Variants in CLCN1 observed in about 807,000 individuals in gnomAD.
CLCN1 encodes chloride voltage-gated channel 1.
A neutral mutation model predicts 114.5 loss-of-function variants in CLCN1; 100 were observed. The observed-to-expected ratio is 0.87, with a 90% CI of 0.74 to 1.03. The LOEUF (loss-of-function observed/expected upper bound fraction) is 1.03. Among genes scored for constraint, CLCN1 ranks in the 50% least tolerant of loss-of-function variants. CLCN1 has a pLI of 0.00. For synonymous variants in CLCN1, 485 were observed against 487.1 expected, an observed-to-expected ratio of 1.00 and a Z score of 0.06; for missense variants, 1,188 against 1,250.0, an observed-to-expected ratio of 0.95 and a Z score of 0.75.
chr7:143,321,770 C>A lies in CLCN1; in HGVS notation c.618C>A (p.Tyr206Ter), dbSNP rs1563074540. The A allele has an allele frequency of 6.2e-7, 1 of 1,614,222 alleles. No individual in the cohort carries two copies. Among genetic ancestry groups the A allele is most frequent in the South Asian group, 1.1e-5 (1 of 91,090 alleles). The change falls in exon 5 of 23, where the codon TAC becomes TAA. Residue 206 changes from tyrosine to a stop codon, truncating the protein, a stop_gained. Coordinates refer to ENST00000343257, the MANE Select transcript of CLCN1 (RefSeq NM_000083.3). LOFTEE classifies it high-confidence loss of function. The surrounding 1 kb of genome is among the most constrained non-coding windows in gnomAD (Gnocchi z 4.2). ...TTCGTGGGGTTGTCCTGAAGGAATACCTCACAATGAAAGCCTTTGTGGCCA... is the reference window on the plus strand; with the variant it reads ...TTCGTGGGGTTGTCCTGAAGGAATAACTCACAATGAAAGCCTTTGTGGCCA... ...TILRGVVLKE[Y>*]LTMKAFVAKV...
chr7:143,344,753 T>TG (rs886931724), intron 16 of CLCN1, among the ~76,000 whole-genome samples: 1 of 146,204 alleles, frequency 6.8e-6, no homozygotes, highest in Non-Finnish European at 1.5e-5. Context: ...CTAGCAGGGT[T>TG]TTTTTTTTTT....
Position 143,336,658 on chromosome 7 carries a change from G to GGAAA in CLCN1, c.1402-2580_1402-2577dup, listed in dbSNP as rs199514674. ...AAGAAAAAAAAAGGAAGGAAGGAAG[G>GGAAA]GAAAGAAAGAAAGAAAGAGAAAGAA... is the stretch of plus-strand genomic sequence containing the variant. On this transcript the variant is annotated intron_variant, in intron 12 of 22. Coordinates refer to ENST00000343257, the MANE Select transcript of CLCN1 (RefSeq NM_000083.3). 2.0e-3 allele frequency among the ~76,000 whole-genome samples: 75 copies of GGAAA among 37,254 alleles called. 3 individuals are homozygous for GGAAA. In the South Asian group the frequency reaches 0.057, roughly 28 times the overall value. 24.4% of individuals were successfully genotyped at this position (37,254 alleles called of 152,430 possible).
In CLCN1 at chr7:143,346,284, C is replaced by G. The variant is rs56680997; in HGVS notation, c.2284+33C>G. 563,809 of 1,401,938 alleles carry G rather than the reference C, an allele frequency of 0.4. 114,937 individuals are homozygous for G. The highest frequency in any genetic ancestry group is 0.44 in the Middle Eastern group (2,481 of 5,688). The allele number at this position is 1,401,938 out of a possible 1,614,324, so 86.8% of individuals were successfully genotyped here. Reference sequence around the variant, plus strand: ...TCTTCCCTCATGCACCCCAACTCACCCCTTGTGGGTTCTCTCTGGTCACTA... The same window carrying G: ...TCTTCCCTCATGCACCCCAACTCACGCCTTGTGGGTTCTCTCTGGTCACTA... On this transcript the variant is annotated intron_variant, in intron 18 of 22. Transcript: ENST00000343257.
intron 14 of CLCN1, among the ~76,000 whole-genome samples, chr7:143,340,167 A>T (rs1406165190): frequency 1.3e-5 from 2 of 152,156 alleles, no homozygotes; most frequent in Non-Finnish European, 2.9e-5. Context: ...TGGGATTATT[A>T]TGCTTCCTCC....
At position 143,321,924 on chromosome 7, in the gene CLCN1, T is replaced by C; in HGVS notation, c.696+76T>C. 1 of 1,533,232 alleles carries C rather than the reference T, an allele frequency of 6.5e-7. No individual in the cohort carries two copies. Among genetic ancestry groups the C allele is most frequent in the Non-Finnish European group, 8.9e-7 (1 of 1,126,072 alleles). The allele number at this position is 1,533,232 out of a possible 1,614,324, so 95.0% of individuals were successfully genotyped here. On this transcript the variant is annotated intron_variant, in intron 5 of 22. Transcript: ENST00000343257. The surrounding 1 kb of genome is among the most constrained non-coding windows in gnomAD (Gnocchi z 4.2). ...GGGTGGCACCAACTCTAGAGGGAGCTCTGGGAGTGGAAGTGGATCAGGGGA... is the reference window on the plus strand; with the variant it reads ...GGGTGGCACCAACTCTAGAGGGAGCCCTGGGAGTGGAAGTGGATCAGGGGA...
intron 10 of CLCN1, among the ~76,000 whole-genome samples, chr7:143,332,165 T>C (rs1802741756): frequency 6.6e-6 from 1 of 152,220 alleles, no homozygotes; most frequent in Non-Finnish European, 1.5e-5. Context: ...GGTTTCACCA[T>C]GTTGGCCAGG....
Position 143,339,885 on chromosome 7 carries a change from G to A in CLCN1, c.1582+264G>A, listed in dbSNP as rs767716228. On this transcript the variant is annotated intron_variant, in intron 14 of 22. Coordinates refer to ENST00000343257, the MANE Select transcript of CLCN1 (RefSeq NM_000083.3). This position sits in a 1 kb window ranked among gnomAD's most constrained non-coding sequence, Gnocchi z 4.1. Reference sequence around the variant, plus strand: ...TAAGATTCTAGGATTGTGTCTGGATGTTTGATAAGGGTTCTGTCTTTCCTT... The same window carrying A: ...TAAGATTCTAGGATTGTGTCTGGATATTTGATAAGGGTTCTGTCTTTCCTT... 5.9e-5 allele frequency among the ~76,000 whole-genome samples: 9 copies of A among 152,206 alleles called. No homozygotes were observed. The highest frequency in any genetic ancestry group is 8.8e-5 in the Non-Finnish European group (6 of 68,032).
rs1465563125 is a variant in CLCN1 at position 143,319,749 on chromosome 7, G to C, written c.181-6G>C. 6.2e-7 allele frequency: 1 copy of C among 1,613,852 alleles called. No homozygotes were observed. ...GGCAGACACTGATCATTCTCTCTCT[G>C]TCCAGATTTATGGCCATCACAAAGA... On this transcript the variant is annotated splice_polypyrimidine_tract_variant and splice_region_variant and intron_variant, in intron 1 of 22. Transcript: ENST00000343257.
chr7:143,332,818 G>A lies in CLCN1; in HGVS notation c.1346G>A (p.Trp449Ter). 1 of 1,614,092 alleles carries A rather than the reference G, an allele frequency of 6.2e-7. No homozygotes were observed. Among genetic ancestry groups the A allele is most frequent in the Non-Finnish European group, 8.5e-7 (1 of 1,180,026 alleles). ...DPESLGQSAV[W>*]IHPRVNVVII... The stretch of plus-strand genomic sequence containing the variant: ...GAGAGCCTGGGCCAGTCAGCTGTGT[G>A]GATTCACCCCCGGGTCAACGTTGTC... Residue 449 changes from tryptophan (W) to a stop codon, truncating the protein, a stop_gained, in exon 12 of 23, where the codon TGG becomes TAG. Coordinates refer to ENST00000343257, the MANE Select transcript of CLCN1 (RefSeq NM_000083.3). LOFTEE classifies it high-confidence loss of function.
chr7:143,319,966 T>G, intron 2 of CLCN1, 91 bp downstream of exon 2: 1 of 1,338,652 alleles, frequency 7.5e-7, no homozygotes, highest in Non-Finnish European at 1.1e-6. Flanking sequence ...ACGTACGTAC[T>G]CCCTGCCCTG....
At chr7:143,347,620 CAAAAAAAAAA>C (rs57147641) in intron 20 of CLCN1, among the ~76,000 whole-genome samples, 2 of 94,978 alleles carry the variant, frequency 2.1e-5, no homozygotes, top group Non-Finnish European at 4.1e-5. Context: ...GACTTTGCCT[CAAAAAAAAAA>C]AAAAAAAAAA....
In CLCN1 at chr7:143,327,802, C is replaced by T. The variant is rs139194112; in HGVS notation, c.854-2970C>T. 7.6e-4 allele frequency among the ~76,000 whole-genome samples: 116 copies of T among 152,192 alleles called. 1 individual carries two copies. Among genetic ancestry groups the T allele is most frequent in the African/African-American group, 2.6e-3 (106 of 41,526 alleles). On this transcript the variant is annotated intron_variant, in intron 7 of 22. Transcript: ENST00000343257. ...CCCAGCAGCTGGGACTACATGCGCACGCCACTATGCCTGGCTAATTTTTGT... is the reference window on the plus strand; with the variant it reads ...CCCAGCAGCTGGGACTACATGCGCATGCCACTATGCCTGGCTAATTTTTGT...
chr7:143,328,333 A>G (rs1051829971), intron 7 of CLCN1, among the ~76,000 whole-genome samples: 4 of 152,188 alleles, frequency 2.6e-5, no homozygotes, highest in African/African-American at 9.6e-5. Context: ...GCAGAGGGAC[A>G]GGAGCAGCAG....
In CLCN1 at chr7:143,342,121, A is replaced by G. The variant is rs200536855; in HGVS notation, c.1775A>G (p.Asp592Gly). 1.1e-5 allele frequency: 17 copies of G among 1,614,176 alleles called. 1 individual carries two copies. The Admixed American group carries it at 2.7e-4, about 25-fold the overall frequency. Reference protein sequence around the residue: ...IQVKKLPYLPDLGWNQLSKYT... With the variant: ...IQVKKLPYLPGLGWNQLSKYT... ...GTCAAGAAGCTACCCTACTTGCCTG[A>G]CCTTGGCTGGAACCAGCTCAGGTCA... The change falls in exon 15 of 23, where the codon GAC (aspartate) becomes GGC (glycine). Residue 592 changes from aspartate (D) to glycine (G), a missense_variant. Asp to Gly is a moderately conservative substitution (Grantham distance 94). Coordinates refer to ENST00000343257, the MANE Select transcript of CLCN1 (RefSeq NM_000083.3).
chr7:143,333,432 T>C (rs1802784516), intron 12 of CLCN1, among the ~76,000 whole-genome samples: 1 of 152,228 alleles, frequency 6.6e-6, no homozygotes, highest in Non-Finnish European at 1.5e-5. Context: ...GTTCTTCTTG[T>C]TAAATTACTA....
intron 7 of CLCN1, among the ~76,000 whole-genome samples, chr7:143,328,415 A>G (rs1802631352): frequency 6.6e-6 from 1 of 152,182 alleles, no homozygotes; most frequent in African/African-American, 2.4e-5. Context: ...AGCTTCCGAA[A>G]GCTGTTTTTG....
rs1490522144 is a variant in CLCN1, at chr7:143,332,432, C to G, written c.1180C>G (p.Pro394Ala). Residue 394 changes from proline to alanine, a missense_variant, in exon 11 of 23, where the codon CCT (proline) becomes GCT (alanine). Transcript: ENST00000343257. The stretch of plus-strand genomic sequence containing the variant: ...TTTCTTTTTCAGCCGCCTGCTGTAT[C>G]CTGGAATTGTTACCTTTGTCATTGC... Reference protein sequence around the residue: ...QFLAKHRLLYPGIVTFVIASF... With the variant: ...QFLAKHRLLYAGIVTFVIASF... The G allele has an allele frequency of 1.9e-6, 3 of 1,613,838 alleles. No homozygotes were observed. The highest frequency in any genetic ancestry group is 1.7e-6 in the Non-Finnish European group (2 of 1,179,904).
In CLCN1 at chr7:143,346,186, C is replaced by A. The variant is rs139262486; in HGVS notation, c.2219C>A (p.Ser740Tyr). 6.2e-7 allele frequency: 1 copy of A among 1,613,666 alleles called. No individual in the cohort carries two copies. The highest frequency in any genetic ancestry group is 2.2e-5 in the East Asian group (1 of 44,834). ...ALHPSTTAPL[S>Y]PEEPNGPLPG... ...CACCCCTCTACTACTGCCCCTCTGT[C>A]CCCAGAAGAGCCCAATGGGCCTCTG... is the stretch of plus-strand genomic sequence containing the variant. The change falls in exon 18 of 23, where the codon TCC (serine) becomes TAC (tyrosine). Residue 740 changes from serine (S) to tyrosine (Y), a missense_variant. Ser to Tyr is a moderately radical substitution (Grantham distance 144). Transcript: ENST00000343257.
At position 143,347,620 on chromosome 7, in the gene CLCN1, C is replaced by CAA. The variant is rs57147641; in HGVS notation, c.2403+693_2403+694dup. Among the ~76,000 whole-genome samples the CAA allele has an allele frequency of 3.9e-3, 366 of 94,468 alleles. 4 individuals carry two copies. Among genetic ancestry groups the CAA allele is most frequent in the Middle Eastern group, 7.4e-3 (1 of 136 alleles). 62.0% of individuals were successfully genotyped at this position (94,468 alleles called of 152,430 possible). Reference sequence around the variant, plus strand: ...TGGGTGACAGATCCAGACTTTGCCTCAAAAAAAAAAAAAAAAAAAAAAACT... The same window carrying CAA: ...TGGGTGACAGATCCAGACTTTGCCTCAAAAAAAAAAAAAAAAAAAAAAAAACT... On this transcript the variant is annotated intron_variant, in intron 20 of 22. Transcript: ENST00000343257.
Sources: allele counts gnomAD v4.1 joint callset (sites outside exome capture counted in the v4.1 genomes callset), GRCh38; gene constraint gnomAD v4.1.1; non-coding constraint Gnocchi (gnomAD v3.1); transcripts MANE v1.5; gene names NCBI Gene and HGNC (gene_info 2026-07-23, HGNC 2026-07-21).